The following GRIN2A variants were observed in gnomAD, a reference collection of about 807,000 sequenced individuals.
GRIN2A encodes the protein glutamate ionotropic receptor NMDA type subunit 2A.
A neutral mutation model predicts 113.4 loss-of-function variants in GRIN2A; 22 were observed. That is an observed-to-expected ratio of 0.19 (90% CI 0.14 to 0.28). GRIN2A has a LOEUF of 0.28. GRIN2A is among the 10% of genes least tolerant of loss of function. The pLI is 1.00. For missense variants in GRIN2A, 1,502 were observed against 1,887.0 expected (o/e 0.80, Z 3.78); for synonymous variants, 827 against 738.4 (o/e 1.12, Z -1.94).
At chr16:9,836,302 G>A (rs1380435411) in intron 7 of GRIN2A, among the ~76,000 whole-genome samples, 4 of 152,184 alleles carry the variant, frequency 2.6e-5, no homozygotes, top group Admixed American at 2.6e-4. Context: ...CAGAAATACT[G>A]GGGCAACAAT....
At chr16:9,966,595 T>G (rs1237196286) in intron 2 of GRIN2A, among the ~76,000 whole-genome samples, 1 of 152,198 alleles carries the variant, frequency 6.6e-6, no homozygotes, top group African/African-American at 2.4e-5. Flanking sequence ...CACATGCCCG[T>G]GTCCTTATAA....
chr16:9,905,274 G>A (rs969868801), intron 3 of GRIN2A, among the ~76,000 whole-genome samples: 1 of 152,164 alleles, frequency 6.6e-6, no homozygotes, highest in South Asian at 2.1e-4. Flanking sequence ...GTTGCTGTAA[G>A]AACATTAGGA....
At chr16:9,969,317 T>G (rs2045624102) in intron 2 of GRIN2A, among the ~76,000 whole-genome samples, 3 of 152,192 alleles carry the variant, frequency 2.0e-5, no homozygotes, top group Non-Finnish European at 4.4e-5. Context: ...CTCCTTGTCC[T>G]TCTCTTATAT....
intron 2 of GRIN2A, among the ~76,000 whole-genome samples, chr16:9,989,604 C>T (rs958971756): frequency 1.1e-4 from 16 of 151,950 alleles, no homozygotes; most frequent in African/African-American, 3.4e-4. Context: ...AAATAGACAA[C>T]CTACAGAATG....
At chr16:9,866,379 A>C (rs1351412186) in intron 4 of GRIN2A, among the ~76,000 whole-genome samples, 1 of 152,182 alleles carries the variant, frequency 6.6e-6, no homozygotes, top group African/African-American at 2.4e-5. Flanking sequence ...AAAGCTTAGA[A>C]GCTGAGTTTT....
At chr16:10,050,751 T>C (rs1055920968) in intron 2 of GRIN2A, among the ~76,000 whole-genome samples, 3 of 152,120 alleles carry the variant, frequency 2.0e-5, no homozygotes, top group Admixed American at 6.5e-5. Flanking sequence ...GTGGAAAAAC[T>C]GTCTTCCACG....
intron 2 of GRIN2A, among the ~76,000 whole-genome samples, chr16:10,129,673 A>T (rs2049022195): frequency 2.0e-5 from 3 of 152,210 alleles, no homozygotes; most frequent in Admixed American, 1.3e-4. Context: ...TTGGTCTGAG[A>T]TATAAGCAGG....
chr16:10,099,317 C>A (rs1406453755), intron 2 of GRIN2A, among the ~76,000 whole-genome samples: 1 of 152,154 alleles, frequency 6.6e-6, no homozygotes, highest in Admixed American at 6.5e-5. Context: ...CTGCAAGCAG[C>A]ATTACAATTT....
At chr16:9,786,518 A>T (rs1208145137) in intron 11 of GRIN2A, among the ~76,000 whole-genome samples, 4 of 152,150 alleles carry the variant, frequency 2.6e-5, no homozygotes, top group Non-Finnish European at 5.9e-5. Context: ...TCTGCAGGGT[A>T]ATGATGCTGT....
intron 2 of GRIN2A, among the ~76,000 whole-genome samples, chr16:10,147,532 A>G (rs1371837358): frequency 6.7e-6 from 1 of 149,188 alleles, no homozygotes; most frequent in Non-Finnish European, 1.5e-5. Flanking sequence ...GCTACTCAGG[A>G]GCCTGAGGTG....
rs764258944 is a variant in GRIN2A, at chr16:10,179,930, A to G, written c.414+68T>C. ...AGACAGATTCTAGGGGCGTCCGAAGACCTGCAGCAGCTGCCATGCAGCTGG... is the reference window on the plus strand; with the variant it reads ...AGACAGATTCTAGGGGCGTCCGAAGGCCTGCAGCAGCTGCCATGCAGCTGG... On this transcript the variant is annotated intron_variant, in intron 2 of 12. Coordinates refer to ENST00000330684, the MANE Select transcript of GRIN2A (RefSeq NM_001134407.3). The G allele has an allele frequency of 3.2e-5, 41 of 1,279,684 alleles. No individual in the cohort carries two copies. The South Asian group carries it at 4.5e-4, about 14-fold the overall frequency. 79.3% of individuals were successfully genotyped at this position (1,279,684 alleles called of 1,614,324 possible). A position where few individuals can be genotyped will look rare whatever the true frequency, so the allele number is the denominator to read the frequency against.
At chr16:10,115,892 A>G (rs2048720988) in intron 2 of GRIN2A, among the ~76,000 whole-genome samples, 1 of 152,200 alleles carries the variant, frequency 6.6e-6, no homozygotes, top group Admixed American at 6.5e-5. Flanking sequence ...TAGTTCAACC[A>G]TTGTGGAAGA....
intron 3 of GRIN2A, among the ~76,000 whole-genome samples, chr16:9,937,232 G>A (rs1042663392): frequency 4.6e-5 from 7 of 151,942 alleles, no homozygotes; most frequent in African/African-American, 9.7e-5. Flanking sequence ...GGGTTGGGGC[G>A]GGAGGTGGGG....
At chr16:9,768,475 T>A (rs1901055658) in intron 12 of GRIN2A, among the ~76,000 whole-genome samples, 1 of 152,224 alleles carries the variant, frequency 6.6e-6, no homozygotes, top group African/African-American at 2.4e-5. Flanking sequence ...TACATTCCCA[T>A]AAGACAATAC....
chr16:10,116,280 G>A (rs1200493729), intron 2 of GRIN2A, among the ~76,000 whole-genome samples: 2 of 152,162 alleles, frequency 1.3e-5, no homozygotes, highest in Middle Eastern at 3.2e-3. Flanking sequence ...GAGAACACAT[G>A]GACACAGGGA....
In GRIN2A at chr16:10,073,878, C is replaced by G. The variant is rs2047812844; in HGVS notation, c.414+106120G>C. Among the ~76,000 whole-genome samples the G allele has an allele frequency of 2.7e-5, 4 of 150,478 alleles. No individual in the cohort carries two copies. The South Asian group carries it at 8.4e-4, about 32-fold the overall frequency. On this transcript the variant is annotated intron_variant, in intron 2 of 12. Transcript: ENST00000330684. Reference sequence around the variant, plus strand: ...TTGCAGTGAGTGAGCTGAGATCGTGCCACTGCACTCCAATCTGTGTGACAG... The same window carrying G: ...TTGCAGTGAGTGAGCTGAGATCGTGGCACTGCACTCCAATCTGTGTGACAG...
At chr16:10,090,082 G>A (rs1369880915) in intron 2 of GRIN2A, among the ~76,000 whole-genome samples, 1 of 152,086 alleles carries the variant, frequency 6.6e-6, no homozygotes, top group Non-Finnish European at 1.5e-5. Context: ...GGACCTACCA[G>A]GCATTATATG....
intron 10 of GRIN2A, among the ~76,000 whole-genome samples, chr16:9,802,688 TTTATA>T (rs1158893959): frequency 6.6e-6 from 1 of 152,186 alleles, no homozygotes; most frequent in African/African-American, 2.4e-5. Context: ...ATTTCCAGAC[TTTATA>T]TTATAAAACC....
Position 9,925,996 on chromosome 16 carries a change from T to G in GRIN2A, c.1007+11963A>C, listed in dbSNP as rs1230910855. 2.0e-5 allele frequency among the ~76,000 whole-genome samples: 3 copies of G among 152,286 alleles called. No homozygotes were observed. In the East Asian group the frequency reaches 5.8e-4, roughly 29 times the overall value. ...CAATTTCTTAAGCAAGTAATACGGG[T>G]TCCATCCGGCTCCATCATTTGCCAT... On this transcript the variant is annotated intron_variant, in intron 3 of 12. Transcript: ENST00000330684.
Sources: gnomAD v4.1 joint callset for allele counts (sites outside exome capture counted in the v4.1 genomes callset) on GRCh38, gnomAD v4.1.1 for gene constraint, MANE v1.5 for transcripts, NCBI Gene and HGNC (gene_info 2026-07-23, HGNC 2026-07-21) for gene names.